MROH9: variants seen among roughly 807,000 people sequenced by gnomAD.
MROH9 encodes the protein maestro heat like repeat family member 9.
A neutral mutation model predicts 98.2 loss-of-function variants in MROH9; 92 were observed. The observed-to-expected ratio is 0.94, with a 90% CI of 0.79 to 1.11. MROH9 has a LOEUF of 1.11. Ranked by LOEUF, MROH9 falls within the 50% of genes most tolerant of loss-of-function variation. The pLI is 0.00. For synonymous variants in MROH9, 397 were observed against 368.9 expected, an observed-to-expected ratio of 1.08 and a Z score of -0.87; for missense variants, 1,057 against 1,014.8, an observed-to-expected ratio of 1.04 and a Z score of -0.57.
intron 7 of MROH9, among the ~76,000 whole-genome samples, chr1:170,965,873 A>G (rs1174833790): frequency 6.6e-6 from 1 of 152,060 alleles, no homozygotes; most frequent in Non-Finnish European, 1.5e-5. Context: ...GCTTTTTTTC[A>G]CTGAAACAAT....
At chr1:170,941,449 T>G (rs1649116002) in intron 1 of MROH9, among the ~76,000 whole-genome samples, 1 of 152,188 alleles carries the variant, frequency 6.6e-6, no homozygotes, top group Non-Finnish European at 1.5e-5. Flanking sequence ...ACTTTTATGC[T>G]TATACAAATC....
intron 8 of MROH9, among the ~76,000 whole-genome samples, chr1:170,974,056 A>C (rs28850650): frequency 0.47 from 71,689 of 151,942 alleles, 17,164 homozygotes; most frequent in Middle Eastern, 0.6. Context: ...GGATTAACAA[A>C]AACTTTGCAG....
intron 20 of MROH9, among the ~76,000 whole-genome samples, chr1:171,036,862 G>A (rs1460774655): frequency 6.6e-6 from 1 of 150,814 alleles, no homozygotes; most frequent in African/African-American, 2.4e-5. Context: ...ATTTATATAT[G>A]GATGAAAGCA....
chr1:171,024,413 A>G lies in MROH9; in HGVS notation c.1927A>G (p.Ser643Gly). 6 of 1,551,212 alleles carry G rather than the reference A, an allele frequency of 3.9e-6. No homozygotes were observed. The highest frequency in any genetic ancestry group is 1.7e-4 in the Middle Eastern group (1 of 5,988). The change falls in exon 18 of 22, where the codon AGT becomes GGT. Residue 643 changes from serine (S) to glycine (G), a missense_variant. Transcript: ENST00000367759. The part of the protein sequence containing the change: ...LMDHINGGIR[S>G]MAIRHFGQLV... ...TTTACAGATTAATGGAGGCATTCGA[A>G]GTATGGCAATTCGACACTTTGGTCA...
chr1:171,013,329 G>A (rs1652222213), intron 15 of MROH9, among the ~76,000 whole-genome samples: 1 of 152,170 alleles, frequency 6.6e-6, no homozygotes, highest in African/African-American at 2.4e-5. Context: ...TCTGCCTCCT[G>A]TCAGATCAGT....
intron 14 of MROH9, among the ~76,000 whole-genome samples, chr1:170,997,876 G>A (rs1408673361): frequency 2.0e-5 from 3 of 152,140 alleles, no homozygotes; most frequent in Non-Finnish European, 1.5e-5. Flanking sequence ...AGAATTGATG[G>A]GGAGCTTGCA....
chr1:171,003,634 C>T (rs1262030532), intron 15 of MROH9, among the ~76,000 whole-genome samples: 1 of 152,098 alleles, frequency 6.6e-6, no homozygotes, highest in East Asian at 1.9e-4. Flanking sequence ...AGTGCCTATT[C>T]CAGTGGAGGT....
At chr1:170,973,266 G>T (rs1235553891) in intron 8 of MROH9, among the ~76,000 whole-genome samples, 1 of 152,110 alleles carries the variant, frequency 6.6e-6, no homozygotes, top group Non-Finnish European at 1.5e-5. Context: ...CAACAAAAAT[G>T]ATTAGAGAAA....
At chr1:170,988,672 G>A (rs1024245957) in intron 10 of MROH9, among the ~76,000 whole-genome samples, 1 of 152,190 alleles carries the variant, frequency 6.6e-6, no homozygotes, top group Non-Finnish European at 1.5e-5. Context: ...ATGGGGTTAG[G>A]TTCTAAAATG....
intron 8 of MROH9, among the ~76,000 whole-genome samples, chr1:170,973,695 G>T (rs937381969): frequency 6.6e-6 from 1 of 152,124 alleles, no homozygotes; most frequent in Non-Finnish European, 1.5e-5. Context: ...GGCTAAAATG[G>T]TGAATCCCCG....
intron 3 of MROH9, among the ~76,000 whole-genome samples, chr1:170,957,804 T>G (rs927851836): frequency 1.4e-5 from 2 of 144,942 alleles, no homozygotes; most frequent in African/African-American, 5.0e-5. Context: ...TGTTTTTTTT[T>G]TTTTTGTTTG....
intron 1 of MROH9, among the ~76,000 whole-genome samples, chr1:170,941,108 A>T (rs915713397): frequency 9.9e-5 from 15 of 152,184 alleles, no homozygotes; most frequent in African/African-American, 3.6e-4. Flanking sequence ...CTAGTTCCCT[A>T]TTCTGACTGG....
At chr1:170,989,648 A>G (rs559872644) in intron 10 of MROH9, among the ~76,000 whole-genome samples, 10 of 152,368 alleles carry the variant, frequency 6.6e-5, no homozygotes, top group African/African-American at 2.4e-4. Context: ...CTATTCATAA[A>G]TGCACAGATT....
At chr1:171,043,276 G>C (rs1253815920) in intron 20 of MROH9, among the ~76,000 whole-genome samples, 1 of 151,978 alleles carries the variant, frequency 6.6e-6, no homozygotes, top group Non-Finnish European at 1.5e-5. Context: ...TGTCAAAAAT[G>C]AGTTTACTGT....
intron 6 of MROH9, among the ~76,000 whole-genome samples, 200 bp downstream of exon 6, chr1:170,962,176 G>T (rs1650039413): frequency 1.3e-5 from 2 of 152,110 alleles, no homozygotes; most frequent in Admixed American, 6.6e-5. Flanking sequence ...TTTAATTTGG[G>T]AAGGACAGCA....
chr1:171,023,690 G>A (rs928010910), intron 17 of MROH9, among the ~76,000 whole-genome samples: 1 of 152,086 alleles, frequency 6.6e-6, no homozygotes, highest in Non-Finnish European at 1.5e-5. Context: ...GGTATACATT[G>A]TCAAATGATT....
chr1:171,047,949 C>G (rs896894055), intron 20 of MROH9, among the ~76,000 whole-genome samples: 22 of 152,216 alleles, frequency 1.4e-4, no homozygotes, highest in African/African-American at 5.3e-4. Context: ...TGTGAAAATT[C>G]TCTGGATTAC....
rs1371102270 is a variant in MROH9 at position 171,016,222 on chromosome 1, T to C, written c.1794T>C (p.Asp598=). The change falls in exon 17 of 22, where the codon GAT becomes GAC. Residue 598 remains aspartate (D), a synonymous_variant. Transcript: ENST00000367759. ...TGGATGCCTTCCTTTCCAAAGACGA[T>C]AATGTTGTACTTCAGGCCTTGCTCA... ...AILDAFLSKD[D]NVVLQALLTL... The C allele has an allele frequency of 3.2e-6, 5 of 1,540,088 alleles. No homozygotes were observed. The Admixed American group carries it at 8.1e-5, about 25-fold the overall frequency.
chr1:171,064,388 A>G lies in MROH9; in HGVS notation c.*48A>G, dbSNP rs1420293527. Reference sequence around the variant, plus strand: ...TCATTCATAAACAATGGGAAGTCCAACAATGTCTTGGAGCTGACCTTAGAA... The same window carrying G: ...TCATTCATAAACAATGGGAAGTCCAGCAATGTCTTGGAGCTGACCTTAGAA... On this transcript the variant is annotated 3_prime_UTR_variant, in exon 22 of 22. Coordinates refer to ENST00000367759, the MANE Select transcript of MROH9 (RefSeq NM_001163629.2). The G allele has an allele frequency of 1.4e-6, 2 of 1,479,136 alleles. No homozygotes were observed. Among genetic ancestry groups the G allele is most frequent in the South Asian group, 1.4e-5 (1 of 71,402 alleles). 91.6% of individuals were successfully genotyped at this position (1,479,136 alleles called of 1,614,324 possible). A position where few individuals can be genotyped will look rare whatever the true frequency, so the allele number is the denominator to read the frequency against.
Sources: allele counts gnomAD v4.1 joint callset (sites outside exome capture counted in the v4.1 genomes callset), GRCh38; gene constraint gnomAD v4.1.1; transcripts MANE v1.5; gene names NCBI Gene and HGNC (gene_info 2026-07-23, HGNC 2026-07-21).